PKIB: variants seen among roughly 807,000 people sequenced by gnomAD.
PKIB encodes PKI-beta.
Under a neutral mutation model 4.5 loss-of-function variants are expected in PKIB, and 2 were observed. The ratio of observed to expected loss-of-function variants is 0.44; its 90% CI spans 0.18 to 1.39. PKIB has a LOEUF of 1.39. Ranked by LOEUF, PKIB falls within the 40% of genes most tolerant of loss-of-function variation. The pLI is 0.27. For missense variants in PKIB, 94 were observed against 92.6 expected, an observed-to-expected ratio of 1.02 and a Z score of -0.06; for synonymous variants, 38 against 36.0, an observed-to-expected ratio of 1.06 and a Z score of -0.20.
chr6:122,538,200 A>G lies in PKIB; in HGVS notation c.-247-47721A>G, dbSNP rs916134810. The stretch of plus-strand genomic sequence containing the variant: ...TAGTTTAATTAGATCCCATTTGTCA[A>G]TTTTGGCTTTTGTTGCCATTGCTTT... On this transcript the variant is annotated intron_variant, in intron 2 of 6. Coordinates refer to the PKIB transcript ENST00000392491. 2.9e-4 allele frequency among the ~76,000 whole-genome samples: 44 copies of G among 152,122 alleles called. 1 individual carries two copies. Among genetic ancestry groups the G allele is most frequent in the African/African-American group, 1.0e-3 (43 of 41,446 alleles).
In PKIB at chr6:122,497,006, G is replaced by A. The variant is rs922779305; in HGVS notation, c.-248+19067G>A. Among the ~76,000 whole-genome samples the A allele has an allele frequency of 5.3e-5, 8 of 152,156 alleles. No individual in the cohort carries two copies. In the South Asian group the frequency reaches 6.2e-4, roughly 12 times the overall value. ...GGTTAGATTACATGCAAAGGCAACC[G>A]CATCAGGCTAAAAGCAGACCTTTCA... On this transcript the variant is annotated intron_variant, in intron 2 of 6. Transcript: ENST00000392491.
At chr6:122,643,695 A>G (rs1287547920) in intron 2 of PKIB, 2 of 152,216 alleles carry the variant, frequency 1.3e-5, no homozygotes, top group Admixed American at 6.5e-5. Flanking sequence ...AATAGCATAG[A>G]AATTTTAACT....
At chr6:122,559,713 T>C (rs1772961330) in intron 2 of PKIB, among the ~76,000 whole-genome samples, 1 of 152,218 alleles carries the variant, frequency 6.6e-6, no homozygotes, top group African/African-American at 2.4e-5. Context: ...TCATCTATGA[T>C]TTCTTTCAAC....
chr6:122,541,644 TC>T (rs1371843513), intron 2 of PKIB, among the ~76,000 whole-genome samples: 2 of 151,906 alleles, frequency 1.3e-5, no homozygotes, highest in Admixed American at 1.3e-4. Flanking sequence ...CTTTGGTGAA[TC>T]TGACAATTAT....
chr6:122,604,959 G>A (rs1774480812), intron 3 of PKIB, among the ~76,000 whole-genome samples: 1 of 152,170 alleles, frequency 6.6e-6, no homozygotes. Flanking sequence ...TTACTTTATA[G>A]ACTCTGATCT....
chr6:122,576,708 A>ATTTT (rs1260230833), intron 2 of PKIB, among the ~76,000 whole-genome samples: 2 of 113,968 alleles, frequency 1.8e-5, no homozygotes, highest in African/African-American at 7.8e-5. Context: ...ATATATATAT[A>ATTTT]TATTTTCTTT....
chr6:122,648,004 G>C (rs556768135), intron 2 of PKIB, among the ~76,000 whole-genome samples: 2 of 152,372 alleles, frequency 1.3e-5, no homozygotes, highest in South Asian at 4.1e-4. Flanking sequence ...GGGATCTCCT[G>C]TGTTTCAGAC....
intron 3 of PKIB, among the ~76,000 whole-genome samples, chr6:122,714,689 G>A (rs1313009924): frequency 6.6e-6 from 1 of 152,114 alleles, no homozygotes; most frequent in East Asian, 1.9e-4. Flanking sequence ...GTGGAGGGTG[G>A]GAGGTGGGAG....
rs1198194450 is a variant in PKIB at position 122,514,750 on chromosome 6, A to G, written c.-248+36811A>G. ...ATTCATTTTTAACAACAGCCCAGGG[A>G]TAGGGAACCAGGGGAAGTGGAAAGG... On this transcript the variant is annotated intron_variant, in intron 2 of 6. Transcript: ENST00000392491. Among the ~76,000 whole-genome samples, 6 of 152,068 alleles carry G rather than the reference A, an allele frequency of 3.9e-5. No homozygotes were observed. The East Asian group carries it at 1.2e-3, about 29-fold the overall frequency.
chr6:122,552,156 G>A (rs1772691957), intron 2 of PKIB, among the ~76,000 whole-genome samples: 1 of 152,054 alleles, frequency 6.6e-6, no homozygotes, highest in African/African-American at 2.4e-5. Flanking sequence ...AGGTGGTGTT[G>A]GAGATACACC....
At position 122,717,845 on chromosome 6, in the gene PKIB, T is replaced by C; in HGVS notation, c.51T>C (p.Asn17=). 6.2e-7 allele frequency: 1 copy of C among 1,614,042 alleles called. No homozygotes were observed. The change falls in exon 4 of 5, where the codon AAT becomes AAC. Residue 17 remains asparagine, a synonymous_variant. Coordinates refer to ENST00000368452, the MANE Select transcript of PKIB (RefSeq NM_181795.3). The part of the protein sequence containing the change: ...KMTDVESGVA[N]FASSARAGRR... ...CTGACGTGGAGTCTGGGGTCGCCAA[T>C]TTTGCATCTTCAGCAAGGGCAGGCC...
intron 3 of PKIB, among the ~76,000 whole-genome samples, chr6:122,690,934 T>TA (rs1485299018): frequency 0.19 from 22,880 of 117,814 alleles, 2,070 homozygotes; most frequent in South Asian, 0.35. Context: ...ATATATATAT[T>TA]TTTTTTTTTT....
rs1197203139 is a variant in PKIB at position 122,541,419 on chromosome 6, T to G, written c.-247-44502T>G. ...TCAGCATTTGCTTGTCTGTAAAGTA[T>G]TTTATTTCTCCTTCACTTATGAAGC... is the stretch of plus-strand genomic sequence containing the variant. On this transcript the variant is annotated intron_variant, in intron 2 of 6. Transcript: ENST00000392491. Among the ~76,000 whole-genome samples, 4 of 151,974 alleles carry G rather than the reference T, an allele frequency of 2.6e-5. No individual in the cohort carries two copies. The East Asian group carries it at 7.8e-4, about 29-fold the overall frequency.
At chr6:122,528,086 T>C (rs927662418) in intron 2 of PKIB, among the ~76,000 whole-genome samples, 1 of 152,174 alleles carries the variant, frequency 6.6e-6, no homozygotes, top group African/African-American at 2.4e-5. Context: ...ATGATTATTA[T>C]GTCTTTCTGG....
Position 122,557,306 on chromosome 6 carries a change from A to G in PKIB, c.-247-28615A>G, listed in dbSNP as rs79384387. On this transcript the variant is annotated intron_variant, in intron 2 of 6. Transcript: ENST00000392491. ...TGTTCATGGCCCATATTTCTGCCTC[A>G]TTGCTTCTTTCAACTCAACCGATAC... 7.2e-3 allele frequency among the ~76,000 whole-genome samples: 1,089 copies of G among 152,290 alleles called. 8 individuals are homozygous for G. Among genetic ancestry groups the G allele is most frequent in the Non-Finnish European group, 0.01 (699 of 68,022 alleles).
chr6:122,562,004 G>GTTT lies in PKIB; in HGVS notation c.-247-23904_-247-23902dup, dbSNP rs758656278. On this transcript the variant is annotated intron_variant, in intron 2 of 6. Coordinates refer to the PKIB transcript ENST00000392491. ...TTTTTGTTTGTTTTTGTTTTTTTTTGTTTTTTTTTTTTTTTGCTTTTTAAC... is the reference window on the plus strand; with the variant it reads ...TTTTTGTTTGTTTTTGTTTTTTTTTGTTTTTTTTTTTTTTTTTTGCTTTTTAAC... Among the ~76,000 whole-genome samples, 5 of 79,476 alleles carry GTTT rather than the reference G, an allele frequency of 6.3e-5. 1 individual carries two copies. The highest frequency in any genetic ancestry group is 1.0e-4 in the African/African-American group (2 of 19,516). 52.1% of individuals were successfully genotyped at this position (79,476 alleles called of 152,430 possible). A position where few individuals can be genotyped will look rare whatever the true frequency, so the allele number is the denominator to read the frequency against.
intron 2 of PKIB, among the ~76,000 whole-genome samples, chr6:122,508,442 T>C (rs1435392208): frequency 6.6e-6 from 1 of 152,158 alleles, no homozygotes; most frequent in African/African-American, 2.4e-5. Context: ...TAATTTGATA[T>C]TTGTTTTTAA....
chr6:122,628,055 T>C (rs1775532479), intron 1 of PKIB, among the ~76,000 whole-genome samples: 1 of 151,970 alleles, frequency 6.6e-6, no homozygotes, highest in Admixed American at 6.6e-5. Context: ...TTTTTTTTTT[T>C]TGAGACAGAG....
At chr6:122,677,115 TC>T (rs2114962186) in intron 3 of PKIB, among the ~76,000 whole-genome samples, 1 of 150,156 alleles carries the variant, frequency 6.7e-6, no homozygotes, top group East Asian at 2.0e-4. Flanking sequence ...TGGCCACACT[TC>T]CAACTATTAA....
Sources: gnomAD v4.1 joint callset for allele counts (sites outside exome capture counted in the v4.1 genomes callset) on GRCh38, gnomAD v4.1.1 for gene constraint, MANE v1.5 for transcripts, NCBI Gene and HGNC (gene_info 2026-07-23, HGNC 2026-07-21) for gene names.